TTC33: variants seen among roughly 807,000 people sequenced by gnomAD.
TTC33 encodes the protein tetratricopeptide repeat domain 33.
TTC33 carries 24 observed loss-of-function variants against 29.4 expected under a neutral mutation model. The observed-to-expected ratio is 0.82, with a 90% CI of 0.59 to 1.15. TTC33 has a LOEUF of 1.15. TTC33 is among the 50% of genes most tolerant of loss of function. The pLI is 0.00. For synonymous variants in TTC33, 107 were observed against 100.3 expected (o/e 1.07, Z -0.40); for missense variants, 286 against 310.4 (o/e 0.92, Z 0.59).
At chr5:40,718,603 G>T (rs1561142566) in intron 4 of TTC33, among the ~76,000 whole-genome samples, 1 of 151,962 alleles carries the variant, frequency 6.6e-6, no homozygotes, top group South Asian at 2.1e-4. Context: ...AGCTGGGCAT[G>T]GTGGCACCCT....
At chr5:40,749,108 A>G (rs1313188938) in intron 1 of TTC33, among the ~76,000 whole-genome samples, 1 of 152,248 alleles carries the variant, frequency 6.6e-6, no homozygotes, top group African/African-American at 2.4e-5. Context: ...CTCAAAAAAT[A>G]AATAAATAAC....
chr5:40,719,834 C>A (rs1185225380), intron 4 of TTC33, among the ~76,000 whole-genome samples: 1 of 152,092 alleles, frequency 6.6e-6, no homozygotes, highest in East Asian at 1.9e-4. Flanking sequence ...GTGTGTGTAT[C>A]TTCTTTGGAA....
At chr5:40,753,139 C>T (rs866848079) in intron 1 of TTC33, among the ~76,000 whole-genome samples, 126 of 151,964 alleles carry the variant, frequency 8.3e-4, no homozygotes, top group African/African-American at 1.5e-3. Flanking sequence ...CAGAGGCAGG[C>T]GGATCACCTG....
At chr5:40,738,237 C>A (rs1004062738) in intron 2 of TTC33, among the ~76,000 whole-genome samples, 15 of 151,842 alleles carry the variant, frequency 9.9e-5, no homozygotes, top group African/African-American at 3.6e-4. Context: ...GACGGTGAAA[C>A]CCTGTCTCTA....
At chr5:40,736,534 A>T (rs542178586) in intron 2 of TTC33, among the ~76,000 whole-genome samples, 1 of 152,304 alleles carries the variant, frequency 6.6e-6, no homozygotes. Flanking sequence ...TAACACCGTG[A>T]CTCTTGAGAA....
chr5:40,745,328 T>C (rs1411111882), intron 2 of TTC33, among the ~76,000 whole-genome samples: 1 of 152,108 alleles, frequency 6.6e-6, no homozygotes, highest in African/African-American at 2.4e-5. Flanking sequence ...TCCTTATTCT[T>C]AGAAAAAACA....
At chr5:40,717,008 C>G in intron 4 of TTC33, among the ~76,000 whole-genome samples, 1 of 152,036 alleles carries the variant, frequency 6.6e-6, no homozygotes, top group Non-Finnish European at 1.5e-5. Context: ...GTGGGCGGAT[C>G]ACCTGAGGTC....
Position 40,728,400 on chromosome 5 carries a change from C to T in TTC33, c.380G>A (p.Trp127Ter). Residue 127 changes from tryptophan (W) to a stop codon, truncating the protein, a stop_gained, in exon 4 of 5, where the codon TGG becomes TAG. Coordinates refer to ENST00000337702, the MANE Select transcript of TTC33 (RefSeq NM_012382.3). LOFTEE classifies it high-confidence loss of function. ...ACGTCCCAAAGTCTGCCAAGACTCC[C>T]ATGAATGTGGATTTTGCTGGACGGC... ...EMAVQQNPHS[W>*]ESWQTLGRAQ... 1 of 1,613,738 alleles carries T rather than the reference C, an allele frequency of 6.2e-7. No homozygotes were observed. Among genetic ancestry groups the T allele is most frequent in the Non-Finnish European group, 8.5e-7 (1 of 1,179,852 alleles).
intron 2 of TTC33, among the ~76,000 whole-genome samples, chr5:40,741,402 T>A (rs1056999358): frequency 3.3e-5 from 5 of 152,218 alleles, no homozygotes; most frequent in Non-Finnish European, 4.4e-5. Context: ...CCGCTCTGTA[T>A]GAACGCTACG....
In TTC33 at chr5:40,713,909, A is replaced by G. The variant is rs921680669; in HGVS notation, c.*2236T>C. Among the ~76,000 whole-genome samples, 3 of 152,336 alleles carry G rather than the reference A, an allele frequency of 2.0e-5. No homozygotes were observed. Among genetic ancestry groups the G allele is most frequent in the Admixed American group, 6.5e-5 (1 of 15,298 alleles). On this transcript the variant is annotated 3_prime_UTR_variant, in exon 5 of 5. Coordinates refer to ENST00000337702, the MANE Select transcript of TTC33 (RefSeq NM_012382.3). ...AATGGGTGCATTTTTCTCTTCACGC[A>G]TAGAAGAGTATGAGCTAAAATAAGC...
rs1295839371 is a variant in TTC33, at chr5:40,753,742, C to T, written c.-2+2082G>A. Among the ~76,000 whole-genome samples, 4 of 152,212 alleles carry T rather than the reference C, an allele frequency of 2.6e-5. No homozygotes were observed. In the Middle Eastern group the frequency reaches 0.01, roughly 391 times the overall value. ...AGAAGTCTTGTATTTATGATTATCC[C>T]TAATGGTAACAAGAATGATGACCAC... On this transcript the variant is annotated intron_variant, in intron 1 of 4. Coordinates refer to ENST00000337702, the MANE Select transcript of TTC33 (RefSeq NM_012382.3).
chr5:40,733,346 C>T (rs556081203), intron 2 of TTC33, among the ~76,000 whole-genome samples: 2 of 152,202 alleles, frequency 1.3e-5, no homozygotes, highest in Admixed American at 1.3e-4. Context: ...GTGAACCATA[C>T]AGTCTATCAC....
rs1191204578 is a variant in TTC33 at position 40,713,427 on chromosome 5, T to G, written c.*2718A>C. Among the ~76,000 whole-genome samples, 3 of 152,196 alleles carry G rather than the reference T, an allele frequency of 2.0e-5. No individual in the cohort carries two copies. ...AGCTTTTAAAAAATCTTTATAGTTT[T>G]ACCATACGGCATCAATTCAAAAGAT... On this transcript the variant is annotated 3_prime_UTR_variant, in exon 5 of 5. Coordinates refer to ENST00000337702, the MANE Select transcript of TTC33 (RefSeq NM_012382.3).
At chr5:40,723,158 A>C (rs1004450078) in intron 4 of TTC33, among the ~76,000 whole-genome samples, 5 of 152,142 alleles carry the variant, frequency 3.3e-5, no homozygotes, top group Non-Finnish European at 7.4e-5. Flanking sequence ...TCTCTGAAAC[A>C]TGTGCTGTGT....
intron 2 of TTC33, among the ~76,000 whole-genome samples, chr5:40,737,399 G>A (rs181100534): frequency 1.1e-3 from 169 of 151,734 alleles, no homozygotes; most frequent in Non-Finnish European, 2.1e-3. Flanking sequence ...ACCAAGACCC[G>A]AAAATACATA....
rs149076454 is a variant in TTC33 at position 40,746,066 on chromosome 5, T to C, written c.221+732A>G. On this transcript the variant is annotated intron_variant, in intron 2 of 4. Transcript: ENST00000337702. ...GTCCATCTTTGTGCATGGTATTAGA[T>C]ACAGACACAGTTTTATTTTCCTCTA... Among the ~76,000 whole-genome samples, 81 of 152,332 alleles carry C rather than the reference T, an allele frequency of 5.3e-4. No individual in the cohort carries two copies. In the East Asian group the frequency reaches 0.014, roughly 26 times the overall value.
At position 40,739,943 on chromosome 5, in the gene TTC33, T is replaced by TA. The variant is rs202184151; in HGVS notation, c.221+6854_221+6855insT. Among the ~76,000 whole-genome samples, 633 of 152,274 alleles carry TA rather than the reference T, an allele frequency of 4.2e-3. 3 individuals carry two copies. Among genetic ancestry groups the TA allele is most frequent in the African/African-American group, 0.015 (607 of 41,574 alleles). ...ATAATACTACAAATGGTGCTTTTTT[T>TA]TAAAAATAAAGTATTCAGCTTCTAA... On this transcript the variant is annotated intron_variant, in intron 2 of 4. Coordinates refer to ENST00000337702, the MANE Select transcript of TTC33 (RefSeq NM_012382.3).
At chr5:40,731,198 A>G (rs769737840) in intron 2 of TTC33, among the ~76,000 whole-genome samples, 4 of 152,210 alleles carry the variant, frequency 2.6e-5, no homozygotes, top group Non-Finnish European at 5.9e-5. Flanking sequence ...ATTCTGCAAG[A>G]CTTAATAGTA....
Position 40,719,442 on chromosome 5 carries a change from C to G in TTC33, c.436-2944G>C, listed in dbSNP as rs541545975. Among the ~76,000 whole-genome samples the G allele has an allele frequency of 3.9e-5, 6 of 152,224 alleles. No homozygotes were observed. In the East Asian group the frequency reaches 9.6e-4, roughly 24 times the overall value. On this transcript the variant is annotated intron_variant, in intron 4 of 4. Transcript: ENST00000337702. ...TATGGATATACCACATTTTGTTTAT[C>G]TATTTGTCAGTTGATGGCATTTGAG...
Sources: gnomAD v4.1 joint callset for allele counts (sites outside exome capture counted in the v4.1 genomes callset) on GRCh38, gnomAD v4.1.1 for gene constraint, MANE v1.5 for transcripts, NCBI Gene and HGNC (gene_info 2026-07-23, HGNC 2026-07-21) for gene names.